Variants in TMEM117 observed in about 807,000 individuals in gnomAD.
The protein encoded by TMEM117 is transmembrane protein 117.
Under a neutral mutation model 52.4 loss-of-function variants are expected in TMEM117, and 27 were observed. That is an observed-to-expected ratio of 0.51 (90% CI 0.38 to 0.71). The LOEUF is 0.71. Ranked by LOEUF, TMEM117 falls within the 30% of genes least tolerant of loss-of-function variation. The pLI, the probability that TMEM117 is intolerant of heterozygous loss-of-function variation, is 0.00. For missense variants in TMEM117, 556 were observed against 630.5 expected, an observed-to-expected ratio of 0.88 and a Z score of 1.26; for synonymous variants, 215 against 206.3, an observed-to-expected ratio of 1.04 and a Z score of -0.36.
At chr12:43,860,289 C>T (rs562841385) in intron 2 of TMEM117, among the ~76,000 whole-genome samples, 1 of 151,724 alleles carries the variant, frequency 6.6e-6, no homozygotes, top group African/African-American at 2.4e-5. Context: ...AGTACAGGAG[C>T]CTTAATGATA....
At chr12:44,355,431 A>G (rs918924267) in intron 6 of TMEM117, among the ~76,000 whole-genome samples, 2 of 152,054 alleles carry the variant, frequency 1.3e-5, no homozygotes, top group African/African-American at 4.8e-5. Flanking sequence ...TGATCACTCA[A>G]TCAGTATTTA....
chr12:43,989,850 A>G (rs1289155457), intron 3 of TMEM117, among the ~76,000 whole-genome samples: 4 of 152,270 alleles, frequency 2.6e-5, no homozygotes, highest in African/African-American at 7.2e-5. Flanking sequence ...CTTAGATCTT[A>G]AAATCTGTCT....
At chr12:44,341,439 CATG>C (rs1327212097) in intron 6 of TMEM117, among the ~76,000 whole-genome samples, 1 of 152,114 alleles carries the variant, frequency 6.6e-6, no homozygotes, top group African/African-American at 2.4e-5. Context: ...CTGTAAAAGA[CATG>C]ATTTCATTCT....
intron 6 of TMEM117, among the ~76,000 whole-genome samples, chr12:44,325,313 G>A (rs371540061): frequency 6.6e-6 from 1 of 152,052 alleles, no homozygotes; most frequent in Non-Finnish European, 1.5e-5. Context: ...CACACTAAGT[G>A]GGGGCAGACA....
chr12:44,189,290 T>C (rs955292949), intron 4 of TMEM117, among the ~76,000 whole-genome samples: 3 of 152,202 alleles, frequency 2.0e-5, no homozygotes. Context: ...CAACTATATA[T>C]GTTTGCTAAG....
chr12:43,903,210 G>A (rs7966024), intron 2 of TMEM117, among the ~76,000 whole-genome samples: 126,418 of 152,186 alleles, frequency 0.83, 54,626 homozygotes, highest in Non-Finnish European at 0.94. Context: ...AAAAGTGGAT[G>A]CCATGAAATT....
chr12:43,953,635 A>T (rs1428792840), intron 3 of TMEM117, among the ~76,000 whole-genome samples: 1 of 152,234 alleles, frequency 6.6e-6, no homozygotes, highest in Non-Finnish European at 1.5e-5. Flanking sequence ...ATACAGGAGC[A>T]CCCAGATTAA....
chr12:44,210,451 A>G (rs938553141), intron 4 of TMEM117, among the ~76,000 whole-genome samples: 2 of 152,174 alleles, frequency 1.3e-5, no homozygotes, highest in African/African-American at 2.4e-5. Flanking sequence ...AAAAACAGGC[A>G]TTTATATCTT....
At chr12:44,371,592 C>T (rs1419447434) in intron 6 of TMEM117, among the ~76,000 whole-genome samples, 1 of 152,140 alleles carries the variant, frequency 6.6e-6, no homozygotes, top group Non-Finnish European at 1.5e-5. Context: ...TCCTCTAACA[C>T]TTCTCTAAAT....
upstream of TMEM117, among the ~76,000 whole-genome samples, chr12:43,831,787 C>T (rs1401346032): frequency 1.3e-5 from 2 of 152,042 alleles, no homozygotes; most frequent in Non-Finnish European, 2.9e-5. Flanking sequence ...TGTGATCTGC[C>T]CACCTCAGCT....
At chr12:43,841,101 G>A (rs1473107698) in intron 1 of TMEM117, among the ~76,000 whole-genome samples, 1 of 152,106 alleles carries the variant, frequency 6.6e-6, no homozygotes, top group Non-Finnish European at 1.5e-5. Context: ...TTGAAATTTG[G>A]GACCCTCTAG....
chr12:43,917,782 A>G lies in TMEM117; in HGVS notation c.278-26428A>G, dbSNP rs1944630047. Among the ~76,000 whole-genome samples, 5 of 152,248 alleles carry G rather than the reference A, an allele frequency of 3.3e-5. No homozygotes were observed. In the South Asian group the frequency reaches 1.0e-3, roughly 32 times the overall value. Reference sequence around the variant, plus strand: ...CAAGCAAAAGGCAAACATTTTTATGAGGATTTATAAACTCATAGAAGGTGG... The same window carrying G: ...CAAGCAAAAGGCAAACATTTTTATGGGGATTTATAAACTCATAGAAGGTGG... On this transcript the variant is annotated intron_variant, in intron 2 of 7. Transcript: ENST00000266534.
At chr12:43,997,447 A>G (rs1946049550) in intron 3 of TMEM117, among the ~76,000 whole-genome samples, 2 of 152,136 alleles carry the variant, frequency 1.3e-5, no homozygotes, top group South Asian at 2.1e-4. Flanking sequence ...TATTTTCAAT[A>G]TATACCCTGT....
intron 3 of TMEM117, among the ~76,000 whole-genome samples, chr12:44,077,315 T>C (rs555027613): frequency 6.6e-6 from 1 of 152,342 alleles, no homozygotes; most frequent in East Asian, 1.9e-4. Flanking sequence ...TGCTCTAAAG[T>C]TGTGCAGAAT....
At chr12:43,931,456 A>G (rs1944869542) in intron 2 of TMEM117, among the ~76,000 whole-genome samples, 1 of 152,180 alleles carries the variant, frequency 6.6e-6, no homozygotes, top group African/African-American at 2.4e-5. Flanking sequence ...CCAGAAGAAA[A>G]ATAAGTCAAA....
At chr12:44,164,025 G>A (rs967917800) in intron 4 of TMEM117, among the ~76,000 whole-genome samples, 1 of 152,176 alleles carries the variant, frequency 6.6e-6, no homozygotes, top group South Asian at 2.1e-4. Context: ...GATCCTGGGG[G>A]CCTGGTGCAG....
chr12:44,165,502 C>T (rs1948954035), intron 4 of TMEM117, among the ~76,000 whole-genome samples: 2 of 152,184 alleles, frequency 1.3e-5, no homozygotes, highest in Non-Finnish European at 2.9e-5. Context: ...CCTGTAAAGA[C>T]TCATATACAC....
the TMEM117 span, chr12:43,804,126 AACTT>A: frequency 2.9e-6 from 1 of 340,434 alleles, no homozygotes; most frequent in South Asian, 2.2e-5. Flanking sequence ...TTTAAAAACA[AACTT>A]AATTGAATAA....
the TMEM117 span, among the ~76,000 whole-genome samples, chr12:44,395,706 G>T: frequency 1.3e-5 from 2 of 152,170 alleles, no homozygotes; most frequent in Non-Finnish European, 1.5e-5. Context: ...ACTTTCTAGG[G>T]TCTTACAGTC....
Sources: allele counts gnomAD v4.1 joint callset (sites outside exome capture counted in the v4.1 genomes callset), GRCh38; gene constraint gnomAD v4.1.1; transcripts MANE v1.5; gene names NCBI Gene and HGNC (gene_info 2026-07-23, HGNC 2026-07-21).